The following LZTR1 variants were observed in gnomAD, a reference collection of about 807,000 sequenced individuals.
The protein encoded by LZTR1 is leucine zipper like post translational regulator 1, also known as leucine-zipper-like transcriptional regulator 1.
A neutral mutation model predicts 105.7 loss-of-function variants in LZTR1; 260 were observed. That is an observed-to-expected ratio of 2.46 (90% CI 2.22 to 2.72). LZTR1 has a LOEUF of 2.72. Among genes scored for constraint, LZTR1 ranks in the 30% most tolerant of loss-of-function variants. The pLI, the probability that LZTR1 is intolerant of heterozygous loss-of-function variation, is 0.00. For synonymous variants in LZTR1, 490 were observed against 476.4 expected, an observed-to-expected ratio of 1.03 and a Z score of -0.37; for missense variants, 1,214 against 1,166.9, an observed-to-expected ratio of 1.04 and a Z score of -0.59.
chr22:20,996,164 C>T (rs756478037), intron 18 of LZTR1, 52 bp downstream of exon 18: 2 of 1,590,478 alleles, frequency 1.3e-6, no homozygotes, highest in South Asian at 1.1e-5. Flanking sequence ...GGTCCTGGCA[C>T]CCACCTCAGG....
intron 11 of LZTR1, 111 bp from the exon 12 acceptor site, chr22:20,993,551 G>A (rs950157045): frequency 1.2e-6 from 1 of 831,908 alleles, no homozygotes; most frequent in Non-Finnish European, 1.9e-6. Flanking sequence ...CTGCCTCCTG[G>A]GCCCTGAGGG....
At position 20,994,156 on chromosome 22, in the gene LZTR1, C is replaced by A; in HGVS notation, c.1502C>A (p.Ala501Asp). The A allele has an allele frequency of 6.3e-7, 1 of 1,596,370 alleles. No individual in the cohort carries two copies. The highest frequency in any genetic ancestry group is 8.5e-7 in the Non-Finnish European group (1 of 1,172,384). ...CCCAGGGAGGCCCCCGGCGTGGCTG[C>A]TGGTGGGGCCCGGCCGCCCCTGCTG... ...PVPREAPGVAAGGARPPLLHV... is the reference protein window; with the variant it reads ...PVPREAPGVADGGARPPLLHV... Residue 501 changes from alanine to aspartate, a missense_variant, in exon 14 of 21, where the codon GCT (alanine) becomes GAT (aspartate). Physicochemically the swap from Ala to Asp is moderately radical, Grantham distance 126. Transcript: ENST00000646124.
Position 20,995,984 on chromosome 22 carries a change from G to C in LZTR1, c.2091G>C (p.Arg697=). Residue 697 remains arginine, a synonymous_variant, in exon 18 of 21, where the codon CGG becomes CGC. Transcript: ENST00000646124. ...GCAGCTACTTTGAAGCCATGTTCCG[G>C]TCCTTCATGCCCGAAGATGGGCAGG... ...ARSSYFEAMF[R]SFMPEDGQVN... 1 of 1,613,774 alleles carries C rather than the reference G, an allele frequency of 6.2e-7. No homozygotes were observed. Among genetic ancestry groups the C allele is most frequent in the East Asian group, 2.2e-5 (1 of 44,878 alleles).
chr22:20,988,937 TG>T, intron 6 of LZTR1, 65 bp downstream of exon 6: 1 of 1,452,454 alleles, frequency 6.9e-7, no homozygotes, highest in South Asian at 1.1e-5. Flanking sequence ...CAGGCCGTCC[TG>T]GCATTTGAGG....
At chr22:20,996,413 G>A in intron 18 of LZTR1, 1 of 592,288 alleles carries the variant, frequency 1.7e-6, no homozygotes, top group Non-Finnish European at 3.0e-6. Context: ...TACTCCTTAT[G>A]TCACTTCAGT....
In LZTR1 at chr22:20,990,415, T is replaced by C; in HGVS notation, c.681T>C (p.Ser227=). The stretch of plus-strand genomic sequence containing the variant: ...CCCAGAGTGGCGAGATCCCCCCATC[T>C]TGCTGCAACTTCCCCGTGGCTGTGT... ...EVAQSGEIPP[S]CCNFPVAVCR... is the part of the protein sequence containing the mutation. The change falls in exon 8 of 21, where the codon TCT becomes TCC. Residue 227 remains serine, a synonymous_variant. Coordinates refer to ENST00000646124, the MANE Select transcript of LZTR1 (RefSeq NM_006767.4). 6.2e-7 allele frequency: 1 copy of C among 1,614,138 alleles called. No homozygotes were observed. The highest frequency in any genetic ancestry group is 8.5e-7 in the Non-Finnish European group (1 of 1,180,020).
At position 20,996,682 on chromosome 22, in the gene LZTR1, T is replaced by A; in HGVS notation, c.2220-14T>A. On this transcript the variant is annotated splice_polypyrimidine_tract_variant and intron_variant, in intron 18 of 20. Transcript: ENST00000646124. Reference sequence around the variant, plus strand: ...GACCAGCTTCCTTTAGTCAGCTCCTTAACCAGGCCCCAGCTACTTGTTTGC... The same window carrying A: ...GACCAGCTTCCTTTAGTCAGCTCCTAAACCAGGCCCCAGCTACTTGTTTGC... 1 of 1,612,262 alleles carries A rather than the reference T, an allele frequency of 6.2e-7. No individual in the cohort carries two copies. Among genetic ancestry groups the A allele is most frequent in the South Asian group, 1.1e-5 (1 of 91,020 alleles).
At chr22:20,992,770 C>G in intron 10 of LZTR1, 24 bp from the exon 11 acceptor site, 3 of 1,460,828 alleles carry the variant, frequency 2.1e-6, no homozygotes, top group Non-Finnish European at 2.8e-6. Context: ...CCCCACCATT[C>G]CACCCTGCCT....
intron 2 of LZTR1, among the ~76,000 whole-genome samples, chr22:20,984,610 A>AGGG (rs201440164): frequency 0.056 from 1,074 of 19,116 alleles, 23 homozygotes; most frequent in Admixed American, 0.17. Flanking sequence ...GGGGCAAGTA[A>AGGG]GGAGGGGGGG....
At position 20,982,451 on chromosome 22, in the gene LZTR1, G is replaced by T. The variant is rs776383010; in HGVS notation, c.80G>T (p.Ser27Ile). ...AGGARSKVAPSVDFDHSCSDS... is the reference protein window; with the variant it reads ...AGGARSKVAPIVDFDHSCSDS... ...GGCGCGCGGTCCAAGGTAGCCCCGAGCGTGGACTTCGACCATAGCTGCTCG... is the reference window on the plus strand; with the variant it reads ...GGCGCGCGGTCCAAGGTAGCCCCGATCGTGGACTTCGACCATAGCTGCTCG... Residue 27 changes from serine (S) to isoleucine (I), a missense_variant, in exon 1 of 21, where the codon AGC becomes ATC. Ser to Ile is a moderately radical substitution (Grantham distance 142, BLOSUM62 -2). Transcript: ENST00000646124. 6.3e-7 allele frequency: 1 copy of T among 1,598,654 alleles called. No homozygotes were observed. The highest frequency in any genetic ancestry group is 8.5e-7 in the Non-Finnish European group (1 of 1,172,562).
chr22:20,985,249 G>A (rs1028174814), intron 2 of LZTR1, among the ~76,000 whole-genome samples: 5 of 151,912 alleles, frequency 3.3e-5, no homozygotes, highest in African/African-American at 9.7e-5. Flanking sequence ...TAGTAGAGAT[G>A]GGGTTTCACC....
At chr22:20,983,509 A>G (rs1232193628) in intron 2 of LZTR1, among the ~76,000 whole-genome samples, 1 of 152,194 alleles carries the variant, frequency 6.6e-6, no homozygotes, top group Non-Finnish European at 1.5e-5. Flanking sequence ...ATCAGGCAAC[A>G]ACGTGATGTT....
chr22:20,989,853 C>G (rs1286433505), intron 7 of LZTR1, among the ~76,000 whole-genome samples, 171 bp downstream of exon 7: 1 of 152,060 alleles, frequency 6.6e-6, no homozygotes, highest in African/African-American at 2.4e-5. Context: ...CTTGCAAAGC[C>G]CAGCCTCGAC....
intron 2 of LZTR1, among the ~76,000 whole-genome samples, chr22:20,985,568 TG>T (rs769893559): frequency 2.0e-5 from 3 of 151,912 alleles, no homozygotes; most frequent in Non-Finnish European, 4.4e-5. Flanking sequence ...TGTCAGCTGC[TG>T]GTTGGGCTCC....
chr22:20,992,572 C>T, intron 10 of LZTR1: 1 of 667,558 alleles, frequency 1.5e-6, no homozygotes, highest in Non-Finnish European at 2.5e-6. Context: ...GCCCAAGTGC[C>T]CTGACCACTC....
chr22:20,996,054 G>C lies in LZTR1; in HGVS notation c.2161G>C (p.Glu721Gln). The C allele has an allele frequency of 6.2e-7, 1 of 1,613,438 alleles. No homozygotes were observed. Among genetic ancestry groups the C allele is most frequent in the Non-Finnish European group, 8.5e-7 (1 of 1,180,004 alleles). ...GATGGTGCCCAGCAGGCAGGCCTTC[G>C]AGTCCATGCTGCGCTACATCTACTA... ...GEMVPSRQAF[E>Q]SMLRYIYYGE... The change falls in exon 18 of 21, where the codon GAG (glutamate) becomes CAG (glutamine). Residue 721 changes from glutamate to glutamine, a missense_variant. Coordinates refer to ENST00000646124, the MANE Select transcript of LZTR1 (RefSeq NM_006767.4).
At chr22:20,990,772 G>A in intron 8 of LZTR1, 6 of 475,778 alleles carry the variant, frequency 1.3e-5, no homozygotes, top group Non-Finnish European at 7.5e-6. Flanking sequence ...TGAACGTGAA[G>A]GACGTCCCCT....
In LZTR1 at chr22:20,982,487, A is replaced by G. The variant is rs1924230960; in HGVS notation, c.116A>G (p.Glu39Gly). The G allele has an allele frequency of 6.2e-7, 1 of 1,612,256 alleles. No homozygotes were observed. The highest frequency in any genetic ancestry group is 8.5e-7 in the Non-Finnish European group (1 of 1,179,432). The change falls in exon 1 of 21, where the codon GAG becomes GGG. Residue 39 changes from glutamate to glycine, a missense_variant. Physicochemically the swap from Glu to Gly is moderately conservative, Grantham distance 98. Coordinates refer to ENST00000646124, the MANE Select transcript of LZTR1 (RefSeq NM_006767.4). ...GACCATAGCTGCTCGGACAGTGTCG[A>G]GTACCTGACGCTCAACTTCGGGCCC... The part of the protein sequence containing the change: ...DFDHSCSDSV[E>G]YLTLNFGPFE...
chr22:20,990,392 C>G lies in LZTR1; in HGVS notation c.658C>G (p.Gln220Glu). ...RELTCWEEVA[Q>E]SGEIPPSCCN... ...CTGTCCTCTCCCCCTGCAGGTGGCC[C>G]AGAGTGGCGAGATCCCCCCATCTTG... is the stretch of plus-strand genomic sequence containing the variant. Residue 220 changes from glutamine to glutamate, a missense_variant, in exon 8 of 21, where the codon CAG becomes GAG. Transcript: ENST00000646124. 1 of 1,614,086 alleles carries G rather than the reference C, an allele frequency of 6.2e-7. No homozygotes were observed. The highest frequency in any genetic ancestry group is 8.5e-7 in the Non-Finnish European group (1 of 1,180,012).
Sources: gnomAD v4.1 joint callset for allele counts (sites outside exome capture counted in the v4.1 genomes callset) on GRCh38, gnomAD v4.1.1 for gene constraint, MANE v1.5 for transcripts, NCBI Gene and HGNC (gene_info 2026-07-23, HGNC 2026-07-21) for gene names.